Variants in FAM168A observed in about 807,000 individuals in gnomAD.
The protein encoded by FAM168A is protein FAM168A.
A neutral mutation model predicts 28.5 loss-of-function variants in FAM168A; 3 were observed. The ratio of observed to expected loss-of-function variants is 0.11; its 90% CI spans 0.05 to 0.27. The LOEUF (loss-of-function observed/expected upper bound fraction) is 0.27. Among genes scored for constraint, FAM168A ranks in the 10% least tolerant of loss-of-function variants. FAM168A has a pLI of 1.00. For synonymous variants in FAM168A, 122 were observed against 124.2 expected, an observed-to-expected ratio of 0.98 and a Z score of 0.12; for missense variants, 222 against 311.5, an observed-to-expected ratio of 0.71 and a Z score of 2.16.
At chr11:73,584,839 C>G (rs533788075) in intron 1 of FAM168A, among the ~76,000 whole-genome samples, 1 of 152,080 alleles carries the variant, frequency 6.6e-6, no homozygotes, top group Non-Finnish European at 1.5e-5. Context: ...ACAATCCAAT[C>G]TGTTTCAACC....
At chr11:73,577,203 C>A (rs537070650) in intron 1 of FAM168A, among the ~76,000 whole-genome samples, 2 of 152,298 alleles carry the variant, frequency 1.3e-5, no homozygotes, top group South Asian at 2.1e-4. Flanking sequence ...CTATGGTACA[C>A]ATATTATTTC....
intron 2 of FAM168A, among the ~76,000 whole-genome samples, chr11:73,460,277 A>G (rs1432545434): frequency 6.6e-6 from 1 of 152,134 alleles, no homozygotes; most frequent in East Asian, 1.9e-4. Context: ...AGGGCTACTC[A>G]TTAGCAAGGA....
chr11:73,442,615 T>A (rs1867216826), intron 2 of FAM168A, among the ~76,000 whole-genome samples: 2 of 152,142 alleles, frequency 1.3e-5, no homozygotes, highest in Admixed American at 1.3e-4. Context: ...GTTACTGATT[T>A]CTAATTTTGT....
chr11:73,497,246 C>T (rs1490058573), intron 1 of FAM168A, among the ~76,000 whole-genome samples: 1 of 152,078 alleles, frequency 6.6e-6, no homozygotes, highest in Admixed American at 6.5e-5. Context: ...ACAGGCAGAT[C>T]ACGAGGTCAG....
chr11:73,442,614 T>A (rs1431253757), intron 2 of FAM168A, among the ~76,000 whole-genome samples: 9 of 152,138 alleles, frequency 5.9e-5, no homozygotes, highest in Non-Finnish European at 1.2e-4. Context: ...TGTTACTGAT[T>A]TCTAATTTTG....
intron 1 of FAM168A, among the ~76,000 whole-genome samples, chr11:73,497,248 C>T (rs1332872171): frequency 1.3e-5 from 2 of 152,028 alleles, no homozygotes; most frequent in African/African-American, 2.4e-5. Flanking sequence ...AGGCAGATCA[C>T]GAGGTCAGGA....
At position 73,449,141 on chromosome 11, in the gene FAM168A, AT is replaced by A. The variant is rs1368791235; in HGVS notation, c.71-18372del. Among the ~76,000 whole-genome samples, 3 of 151,418 alleles carry A rather than the reference AT, an allele frequency of 2.0e-5. No individual in the cohort carries two copies. The South Asian group carries it at 6.3e-4, about 32-fold the overall frequency. On this transcript the variant is annotated intron_variant, in intron 2 of 7. Coordinates refer to ENST00000356467, the MANE Select transcript of FAM168A (RefSeq NM_015159.3). ...CAGGTGTGCGCCACCTAATTTAAAA[AT>A]TTTTTTTTGGAGAGCCAGGGTCTCT...
At chr11:73,540,595 C>T (rs1943641426) in intron 1 of FAM168A, among the ~76,000 whole-genome samples, 1 of 152,156 alleles carries the variant, frequency 6.6e-6, no homozygotes, top group Admixed American at 6.5e-5. Context: ...CTTGCTGTTT[C>T]CTCTGCTGAA....
At chr11:73,536,206 A>G (rs576060807) in intron 1 of FAM168A, among the ~76,000 whole-genome samples, 2 of 152,342 alleles carry the variant, frequency 1.3e-5, no homozygotes, top group South Asian at 4.1e-4. Flanking sequence ...ACAGACAACC[A>G]AGAATCACCA....
intron 1 of FAM168A, among the ~76,000 whole-genome samples, chr11:73,496,414 C>T (rs1565270667): frequency 6.6e-6 from 1 of 152,196 alleles, no homozygotes. Flanking sequence ...ATTACCTTTG[C>T]ACCAACCTTT....
intron 2 of FAM168A, among the ~76,000 whole-genome samples, chr11:73,447,557 CAAAAAAA>C (rs1183575850): frequency 1.1e-5 from 1 of 89,530 alleles, no homozygotes; most frequent in Non-Finnish European, 2.4e-5. Context: ...GACCCTGTCT[CAAAAAAA>C]AAAAAAAAAA....
intron 1 of FAM168A, among the ~76,000 whole-genome samples, chr11:73,552,274 C>A (rs1473094358): frequency 2.0e-5 from 3 of 152,132 alleles, no homozygotes; most frequent in Non-Finnish European, 2.9e-5. Context: ...TAATGCCTAA[C>A]CTTGAAGAGC....
At chr11:73,428,327 T>C (rs1249462428) in intron 3 of FAM168A, among the ~76,000 whole-genome samples, 1 of 152,182 alleles carries the variant, frequency 6.6e-6, no homozygotes, top group Admixed American at 6.5e-5. Flanking sequence ...CTACATTCAC[T>C]TCTAGTCAGT....
chr11:73,501,728 C>T (rs1460261361), intron 1 of FAM168A, among the ~76,000 whole-genome samples: 2 of 152,136 alleles, frequency 1.3e-5, no homozygotes, highest in African/African-American at 4.8e-5. Flanking sequence ...ATGCCCACAT[C>T]AGAAAGCTAG....
intron 1 of FAM168A, 83 bp downstream of exon 1, chr11:73,597,840 C>T (rs1467829496): frequency 6.6e-6 from 1 of 152,242 alleles, no homozygotes; most frequent in Non-Finnish European, 1.5e-5. Context: ...ACGGGGGCTC[C>T]GCAGCCTCCC....
chr11:73,545,819 G>A (rs1943743348), intron 1 of FAM168A, among the ~76,000 whole-genome samples: 1 of 151,306 alleles, frequency 6.6e-6, no homozygotes, highest in Non-Finnish European at 1.5e-5. Context: ...AAAGTGTTGG[G>A]ATTACAGGCA....
chr11:73,450,434 G>A (rs1867405704), intron 2 of FAM168A, among the ~76,000 whole-genome samples: 1 of 152,188 alleles, frequency 6.6e-6, no homozygotes, highest in African/African-American at 2.4e-5. Context: ...TGAAGCTGAA[G>A]CCCAAGAATT....
At chr11:73,505,431 T>C (rs1370201666) in intron 1 of FAM168A, among the ~76,000 whole-genome samples, 2 of 152,156 alleles carry the variant, frequency 1.3e-5, no homozygotes. Flanking sequence ...AGAGCTAACA[T>C]ATGTAAAGTG....
Position 73,404,416 on chromosome 11 carries a change from C to A in FAM168A, c.*2347G>T, listed in dbSNP as rs981560159. On this transcript the variant is annotated 3_prime_UTR_variant, in exon 8 of 8. Coordinates refer to ENST00000356467, the MANE Select transcript of FAM168A (RefSeq NM_015159.3). ...GAAGTGCTTTGACCTCTGTGATGCA[C>A]CTGACAAATCCAAAGGTTTCTATTA... 1 of 152,178 alleles carries A rather than the reference C, an allele frequency of 6.6e-6. No individual in the cohort carries two copies. Among genetic ancestry groups the A allele is most frequent in the Non-Finnish European group, 1.5e-5 (1 of 68,032 alleles). The allele number at this position is 152,178 out of a possible 1,614,324, so 9.4% of individuals were successfully genotyped here. A position where few individuals can be genotyped will look rare whatever the true frequency, so the allele number is the denominator to read the frequency against.
Sources: gnomAD v4.1 joint callset for allele counts (sites outside exome capture counted in the v4.1 genomes callset) on GRCh38, gnomAD v4.1.1 for gene constraint, MANE v1.5 for transcripts, NCBI Gene and HGNC (gene_info 2026-07-23, HGNC 2026-07-21) for gene names.